The following SLC24A2 variants were observed in gnomAD, a reference collection of about 807,000 sequenced individuals.
SLC24A2 encodes sodium/potassium/calcium exchanger 2.
SLC24A2 carries 36 observed loss-of-function variants against 62.0 expected under a neutral mutation model. The ratio of observed to expected loss-of-function variants is 0.58; its 90% confidence interval spans 0.44 to 0.77. The LOEUF is 0.77. SLC24A2 is among the 30% of genes least tolerant of loss of function. The probability of loss-of-function intolerance (pLI) is 0.00; values close to 1 mark genes in which losing one functional copy is unlikely to be tolerated. For synonymous variants in SLC24A2, 358 were observed against 294.0 expected, an observed-to-expected ratio of 1.22 and a Z score of -2.23; for missense variants, 846 against 817.9, an observed-to-expected ratio of 1.03 and a Z score of -0.42.
the SLC24A2 span, among the ~76,000 whole-genome samples, chr9:20,047,930 G>A: frequency 3.3e-5 from 5 of 152,010 alleles, no homozygotes; most frequent in Non-Finnish European, 7.4e-5. Flanking sequence ...AATAGTAGTC[G>A]TAGGCAGATA....
intron 2 of SLC24A2, among the ~76,000 whole-genome samples, chr9:19,731,497 T>TTCTCTC (rs71335449): frequency 0.42 from 61,776 of 147,832 alleles, 14,942 homozygotes; most frequent in East Asian, 0.69. Flanking sequence ...GAACACTTGT[T>TTCTCTC]TCTCTCTCTC....
chr9:20,135,344 TA>T, the SLC24A2 span, among the ~76,000 whole-genome samples: 1 of 118,270 alleles, frequency 8.5e-6, no homozygotes, highest in African/African-American at 3.3e-5. Context: ...TTTTAATTTT[TA>T]ATTACAATTT....
At chr9:19,913,056 A>G in the SLC24A2 span, among the ~76,000 whole-genome samples, 1 of 152,056 alleles carries the variant, frequency 6.6e-6, no homozygotes, top group Non-Finnish European at 1.5e-5. Context: ...TCTCTAATTC[A>G]TTGGCTATTT....
the SLC24A2 span, among the ~76,000 whole-genome samples, chr9:20,016,293 T>C: frequency 1.3e-5 from 2 of 152,212 alleles, no homozygotes. Context: ...GAAAATGTAA[T>C]AGATACTTTA....
chr9:20,267,116 GA>G, the SLC24A2 span, among the ~76,000 whole-genome samples: 1 of 149,954 alleles, frequency 6.7e-6, no homozygotes, highest in East Asian at 1.9e-4. Flanking sequence ...TCATAAAACA[GA>G]ATACTTTTGA....
the SLC24A2 span, among the ~76,000 whole-genome samples, chr9:19,836,963 A>G: frequency 1.3e-5 from 2 of 152,298 alleles, no homozygotes; most frequent in East Asian, 1.9e-4. Context: ...TATAAACAGA[A>G]CCAAAGACAA....
At chr9:19,890,793 G>A in the SLC24A2 span, among the ~76,000 whole-genome samples, 1 of 152,048 alleles carries the variant, frequency 6.6e-6, no homozygotes, top group Non-Finnish European at 1.5e-5. Context: ...CTACAGGCAC[G>A]TACCATCCCA....
At chr9:20,270,260 C>G in the SLC24A2 span, among the ~76,000 whole-genome samples, 43 of 152,288 alleles carry the variant, frequency 2.8e-4, no homozygotes, top group Non-Finnish European at 1.3e-4. Context: ...CAAATTTCAG[C>G]ATGCATTTTG....
At chr9:19,558,549 A>G (rs1480890395) in intron 7 of SLC24A2, among the ~76,000 whole-genome samples, 1 of 152,130 alleles carries the variant, frequency 6.6e-6, no homozygotes. Context: ...TGGTCTGGCT[A>G]CTTCTAAAAT....
Position 19,622,242 on chromosome 9 carries a change from C to T in SLC24A2, c.969+19G>A. ...CCACAGGCACACAAACAGGTACAGACAAAGCCACTGCTTCCTACCGGTAGA... is the reference window on the plus strand; with the variant it reads ...CCACAGGCACACAAACAGGTACAGATAAAGCCACTGCTTCCTACCGGTAGA... On this transcript the variant is annotated intron_variant, in intron 3 of 10. Transcript: ENST00000341998. The T allele has an allele frequency of 6.2e-7, 1 of 1,612,278 alleles. No individual in the cohort carries two copies. The highest frequency in any genetic ancestry group is 8.5e-7 in the Non-Finnish European group (1 of 1,178,534).
At chr9:20,176,907 T>TATGAG in the SLC24A2 span, among the ~76,000 whole-genome samples, 1 of 48,756 alleles carries the variant, frequency 2.1e-5, no homozygotes, top group Non-Finnish European at 4.7e-5. Context: ...TTATCTAAAG[T>TATGAG]GTGAGGATGG....
chr9:19,749,294 C>T (rs973251634), intron 2 of SLC24A2, among the ~76,000 whole-genome samples: 7 of 151,990 alleles, frequency 4.6e-5, no homozygotes, highest in African/African-American at 1.7e-4. Flanking sequence ...TGTTAGAATA[C>T]TATTAAACCA....
the SLC24A2 span, among the ~76,000 whole-genome samples, chr9:20,230,302 T>C: frequency 2.0e-5 from 3 of 152,210 alleles, no homozygotes; most frequent in Admixed American, 6.5e-5. Flanking sequence ...CCCTGAGGAA[T>C]CGTCACACTG....
intron 2 of SLC24A2, among the ~76,000 whole-genome samples, chr9:19,783,313 C>G (rs1287493022): frequency 1.3e-5 from 2 of 152,128 alleles, no homozygotes; most frequent in African/African-American, 4.8e-5. Flanking sequence ...ATTTTGCAAA[C>G]AGGACAATGA....
intron 2 of SLC24A2, among the ~76,000 whole-genome samples, chr9:19,690,898 G>A (rs1235995416): frequency 6.8e-6 from 1 of 147,784 alleles, no homozygotes; most frequent in East Asian, 2.0e-4. Context: ...ACTAAGGGAG[G>A]CGTATTGTGT....
intron 5 of SLC24A2, among the ~76,000 whole-genome samples, chr9:19,593,701 C>T (rs1430314692): frequency 6.6e-6 from 1 of 152,108 alleles, no homozygotes; most frequent in Non-Finnish European, 1.5e-5. Flanking sequence ...ATTCCATCTG[C>T]CCCTGTTCCA....
At chr9:19,989,279 T>C in the SLC24A2 span, among the ~76,000 whole-genome samples, 2 of 152,142 alleles carry the variant, frequency 1.3e-5, no homozygotes, top group African/African-American at 4.8e-5. Context: ...TGGAAGAGTC[T>C]CTTAGTCTCT....
the SLC24A2 span, among the ~76,000 whole-genome samples, chr9:20,020,520 A>T: frequency 6.6e-6 from 1 of 152,184 alleles, no homozygotes; most frequent in Non-Finnish European, 1.5e-5. Context: ...GAGTGGAACA[A>T]TGAGAACACA....
chr9:20,120,323 G>A, the SLC24A2 span, among the ~76,000 whole-genome samples: 7 of 151,986 alleles, frequency 4.6e-5, no homozygotes, highest in African/African-American at 1.5e-4. Context: ...CATAAATGGT[G>A]GCCTGGATAA....
Sources: allele counts gnomAD v4.1 joint callset (sites outside exome capture counted in the v4.1 genomes callset), GRCh38; gene constraint gnomAD v4.1.1; transcripts MANE v1.5; gene names NCBI Gene and HGNC (gene_info 2026-07-23, HGNC 2026-07-21).